The following CNDP1 variants were observed in gnomAD, a reference collection of about 807,000 sequenced individuals.
CNDP1 encodes the protein beta-Ala-His dipeptidase.
In CNDP1, 44 loss-of-function variants were observed where a neutral mutation model predicts 58.1. That is an observed-to-expected ratio of 0.76 (90% CI 0.60 to 0.97). The LOEUF (loss-of-function observed/expected upper bound fraction) is 0.97, where lower values mean the gene tolerates loss of function less well. CNDP1 is among the 50% of genes least tolerant of loss of function. CNDP1 has a pLI of 0.00. For synonymous variants in CNDP1, 254 were observed against 252.6 expected (o/e 1.01, Z -0.05); for missense variants, 616 against 655.1 (o/e 0.94, Z 0.65).
intron 7 of CNDP1, among the ~76,000 whole-genome samples, chr18:74,575,354 C>T (rs1349359832): frequency 1.3e-5 from 2 of 152,196 alleles, no homozygotes; most frequent in East Asian, 1.9e-4. Flanking sequence ...TCTGTCCTTA[C>T]GCAGAAGACT....
At chr18:74,548,179 A>G (rs552214411) in intron 1 of CNDP1, among the ~76,000 whole-genome samples, 3 of 152,186 alleles carry the variant, frequency 2.0e-5, no homozygotes, top group Non-Finnish European at 4.4e-5. Context: ...TCAATGGGTG[A>G]TGAGAGTTTG....
intron 9 of CNDP1, among the ~76,000 whole-genome samples, chr18:74,579,279 G>A (rs1424512681): frequency 1.4e-4 from 13 of 91,920 alleles, no homozygotes; most frequent in Non-Finnish European, 2.1e-4. Context: ...CCTTCCTCCC[G>A]CCCTCCTTCC....
At chr18:74,580,726 G>A (rs184694242) in intron 10 of CNDP1, among the ~76,000 whole-genome samples, 277 of 152,318 alleles carry the variant, frequency 1.8e-3, no homozygotes, top group Admixed American at 5.6e-3. Flanking sequence ...CCAGCAGTTT[G>A]GGAGGCAGAG....
intron 1 of CNDP1, among the ~76,000 whole-genome samples, chr18:74,542,294 T>C (rs9949100): frequency 0.56 from 84,698 of 152,126 alleles, 24,717 homozygotes; most frequent in African/African-American, 0.73. Context: ...TTCCTGGAGG[T>C]TGAGGTTATC....
Position 74,585,569 on chromosome 18 carries a change from AAGAC to A in CNDP1, c.*1010_*1013del, listed in dbSNP as rs1981889976. ...GATTTGACGGTGTAAACAACAAAAA[AAGAC>A]AGTCATTTTTCTACAGTTGAGTGTA... is the stretch of plus-strand genomic sequence containing the variant. On this transcript the variant is annotated 3_prime_UTR_variant, in exon 12 of 12. Coordinates refer to ENST00000358821, the MANE Select transcript of CNDP1 (RefSeq NM_032649.6). The A allele has an allele frequency of 1.3e-5, 2 of 151,916 alleles. No individual in the cohort carries two copies. The highest frequency in any genetic ancestry group is 4.8e-5 in the African/African-American group (2 of 41,346). The allele number at this position is 151,916 out of a possible 1,614,324, so 9.4% of individuals were successfully genotyped here.
At chr18:74,562,242 C>A in intron 5 of CNDP1, 107 bp downstream of exon 5, 1 of 925,972 alleles carries the variant, frequency 1.1e-6, no homozygotes, top group Non-Finnish European at 1.8e-6. Context: ...CACTTACTCG[C>A]CCCAACAATC....
chr18:74,575,669 T>C (rs1245082627), intron 7 of CNDP1, among the ~76,000 whole-genome samples: 2 of 151,888 alleles, frequency 1.3e-5, no homozygotes, highest in Non-Finnish European at 1.5e-5. Context: ...TCTCATAGAG[T>C]AGACCTGAAG....
chr18:74,576,757 C>A, intron 7 of CNDP1, 112 bp from the exon 8 acceptor site: 1 of 915,304 alleles, frequency 1.1e-6, no homozygotes, highest in Non-Finnish European at 1.6e-6. Context: ...GGGACCCAGA[C>A]AGTCAAGAGG....
At chr18:74,560,311 GC>G (rs1444838157) in intron 3 of CNDP1, among the ~76,000 whole-genome samples, 4 of 152,202 alleles carry the variant, frequency 2.6e-5, no homozygotes, top group Non-Finnish European at 5.9e-5. Context: ...ACCGTGCCCG[GC>G]CCGTCTGCAT....
At chr18:74,551,555 G>A (rs1980911040) in intron 1 of CNDP1, among the ~76,000 whole-genome samples, 1 of 152,134 alleles carries the variant, frequency 6.6e-6, no homozygotes, top group South Asian at 2.1e-4. Flanking sequence ...AAGGGAGGGA[G>A]AGGAGGAAAT....
chr18:74,581,218 C>CTGTGTGTGTGTGTGTGTG (rs56269857), intron 10 of CNDP1, among the ~76,000 whole-genome samples: 7 of 138,502 alleles, frequency 5.1e-5, no homozygotes, highest in Middle Eastern at 3.9e-3. Flanking sequence ...CACACCTATC[C>CTGTGTGTGTGTGTGTGTG]TGTGTGTGTG....
intron 9 of CNDP1, among the ~76,000 whole-genome samples, chr18:74,579,198 C>CCCTTCCCTTG (rs1981719188): frequency 9.1e-6 from 1 of 110,272 alleles, no homozygotes; most frequent in Non-Finnish European, 1.8e-5. Context: ...TCCTTCCCTT[C>CCCTTCCCTTG]CCTTGCCTTC....
chr18:74,548,826 G>A (rs1477861827), intron 1 of CNDP1, among the ~76,000 whole-genome samples: 1 of 152,230 alleles, frequency 6.6e-6, no homozygotes, highest in African/African-American at 2.4e-5. Context: ...CTGGAGCAAA[G>A]CTCACCCATG....
rs1223215328 is a variant in CNDP1, at chr18:74,534,601, T to C, written c.-67T>C. On this transcript the variant is annotated 5_prime_UTR_variant, in exon 1 of 12. An upstream start codon of the reference 5' UTR is lost. Transcript: ENST00000358821. ...TAATGTCACCCTCTTGGGGCTTTCA[T>C]GGGACTCCCTCTGCCACATTTTTTG... 1.3e-6 allele frequency: 2 copies of C among 1,559,904 alleles called. No individual in the cohort carries two copies. The highest frequency in any genetic ancestry group is 1.8e-6 in the Non-Finnish European group (2 of 1,131,302).
Position 74,578,331 on chromosome 18 carries a change from A to G in CNDP1, c.1167+4A>G. 6.3e-7 allele frequency: 1 copy of G among 1,599,604 alleles called. No individual in the cohort carries two copies. The highest frequency in any genetic ancestry group is 1.3e-5 in the African/African-American group (1 of 74,232). On this transcript the variant is annotated splice_donor_region_variant and intron_variant, in intron 9 of 11. Coordinates refer to ENST00000358821, the MANE Select transcript of CNDP1 (RefSeq NM_032649.6). ...TGTGTCTGCGGTGGAAAAACAGGTA[A>G]CAAATGCTTATTGTGACAATAACAT...
At chr18:74,556,280 C>A in intron 1 of CNDP1, 58 bp from the exon 2 acceptor site, 2 of 1,587,436 alleles carry the variant, frequency 1.3e-6, no homozygotes, top group South Asian at 1.2e-5. Context: ...TTGGAAGGTC[C>A]GAAGTCCAGC....
intron 6 of CNDP1, among the ~76,000 whole-genome samples, chr18:74,569,725 A>G (rs1212352471): frequency 2.0e-5 from 3 of 152,138 alleles, no homozygotes; most frequent in African/African-American, 4.8e-5. Context: ...CAAGGAGGCA[A>G]TTCTCCTTAG....
chr18:74,574,718 C>G (rs775527467), intron 7 of CNDP1: 1 of 152,182 alleles, frequency 6.6e-6, no homozygotes, highest in Non-Finnish European at 1.5e-5. Flanking sequence ...TATTAAAGAA[C>G]TAGGGCAAAG....
intron 7 of CNDP1, among the ~76,000 whole-genome samples, chr18:74,572,613 C>A (rs1599099503): frequency 6.6e-6 from 1 of 151,748 alleles, no homozygotes. Flanking sequence ...CATGGTGAAA[C>A]CCTGTCTGTA....
Sources: gnomAD v4.1 joint callset for allele counts (sites outside exome capture counted in the v4.1 genomes callset) on GRCh38, gnomAD v4.1.1 for gene constraint, MANE v1.5 for transcripts, NCBI Gene and HGNC (gene_info 2026-07-23, HGNC 2026-07-21) for gene names.